The following PTPRD variants were observed in gnomAD, a reference collection of about 807,000 sequenced individuals.
The protein encoded by PTPRD is protein tyrosine phosphatase receptor type D, also known as receptor-type tyrosine-protein phosphatase delta.
Under a neutral mutation model 214.5 loss-of-function variants are expected in PTPRD, and 34 were observed. That is an observed-to-expected ratio of 0.16 (90% CI 0.12 to 0.21). The LOEUF is 0.21. PTPRD is among the 10% of genes least tolerant of loss of function. The probability of loss-of-function intolerance (pLI) is 1.00; values close to 1 mark genes in which losing one functional copy is unlikely to be tolerated. For synonymous variants in PTPRD, 1,128 were observed against 845.7 expected (o/e 1.33, Z -5.79); for missense variants, 2,545 against 2,398.7 (o/e 1.06, Z -1.27).
At chr9:9,822,692 C>A (rs1387135174) in intron 5 of PTPRD, among the ~76,000 whole-genome samples, 2 of 151,688 alleles carry the variant, frequency 1.3e-5, no homozygotes, top group Admixed American at 1.3e-4. Flanking sequence ...AAAATAATCA[C>A]AACCTACACG....
At chr9:8,383,726 C>A (rs2085957808) in intron 37 of PTPRD, among the ~76,000 whole-genome samples, 1 of 152,140 alleles carries the variant, frequency 6.6e-6, no homozygotes, top group Non-Finnish European at 1.5e-5. Flanking sequence ...AAATTTCACT[C>A]CCCATCTCCA....
chr9:9,773,179 G>T (rs2098767344), intron 5 of PTPRD, among the ~76,000 whole-genome samples: 1 of 152,048 alleles, frequency 6.6e-6, no homozygotes, highest in South Asian at 2.1e-4. Context: ...AGAAAATCAA[G>T]AATTCCCTTT....
At chr9:8,402,269 C>A (rs756531685) in intron 36 of PTPRD, among the ~76,000 whole-genome samples, 1 of 152,130 alleles carries the variant, frequency 6.6e-6, no homozygotes, top group East Asian at 1.9e-4. Context: ...GACAGGTTTT[C>A]GTGTGATTCA....
intron 5 of PTPRD, among the ~76,000 whole-genome samples, chr9:9,925,673 T>C (rs150178639): frequency 2.0e-5 from 3 of 152,266 alleles, no homozygotes; most frequent in Non-Finnish European, 4.4e-5. Context: ...TAAACTGAGA[T>C]TATTCCTTCT....
Position 9,615,471 on chromosome 9 carries a change from C to G in PTPRD, c.-286-40690G>C, listed in dbSNP as rs934067329. Among the ~76,000 whole-genome samples, 8 of 152,168 alleles carry G rather than the reference C, an allele frequency of 5.3e-5. No homozygotes were observed. In the South Asian group the frequency reaches 1.7e-3, roughly 32 times the overall value. Reference sequence around the variant, plus strand: ...ATGTCTTCTCCAAGGGAAGTCTTCCCTATTTGTCCTTCCTTGGATCAAGGG... The same window carrying G: ...ATGTCTTCTCCAAGGGAAGTCTTCCGTATTTGTCCTTCCTTGGATCAAGGG... On this transcript the variant is annotated intron_variant, in intron 7 of 45. Transcript: ENST00000381196.
At chr9:10,131,879 G>C (rs758960545) in intron 3 of PTPRD, among the ~76,000 whole-genome samples, 1 of 151,976 alleles carries the variant, frequency 6.6e-6, no homozygotes, top group East Asian at 1.9e-4. Context: ...ATCAAAATAC[G>C]TGTAATTACA....
At chr9:9,812,962 G>T (rs2047611933) in intron 5 of PTPRD, among the ~76,000 whole-genome samples, 1 of 152,034 alleles carries the variant, frequency 6.6e-6, no homozygotes, top group African/African-American at 2.4e-5. Context: ...GGTAAGATTG[G>T]TATCAATCCA....
At chr9:8,515,510 G>A (rs2097767584) in intron 21 of PTPRD, among the ~76,000 whole-genome samples, 2 of 152,064 alleles carry the variant, frequency 1.3e-5, no homozygotes, top group African/African-American at 4.8e-5. Context: ...TTCAATATAG[G>A]ATCTTTGCAA....
At position 9,777,325 on chromosome 9, in the gene PTPRD, G is replaced by GCACA. The variant is rs34617348; in HGVS notation, c.-367-10478_-367-10475dup. Among the ~76,000 whole-genome samples, 446 of 143,282 alleles carry GCACA rather than the reference G, an allele frequency of 3.1e-3. 3 individuals are homozygous for GCACA. The highest frequency in any genetic ancestry group is 0.01 in the African/African-American group (396 of 39,084). 94.0% of individuals were successfully genotyped at this position (143,282 alleles called of 152,430 possible). ...CACAAATAAAAATATGCACATACAT[G>GCACA]CACACACACACACACACACACACAC... On this transcript the variant is annotated intron_variant, in intron 5 of 45. Transcript: ENST00000381196.
chr9:9,247,727 C>T (rs1472751606), intron 9 of PTPRD, among the ~76,000 whole-genome samples: 3 of 152,150 alleles, frequency 2.0e-5, no homozygotes, highest in Non-Finnish European at 2.9e-5. Flanking sequence ...GAATCCCACA[C>T]AATAGTAGTT....
chr9:10,538,561 T>C (rs1158353171), intron 2 of PTPRD, among the ~76,000 whole-genome samples: 1 of 152,144 alleles, frequency 6.6e-6, no homozygotes, highest in Non-Finnish European at 1.5e-5. Context: ...CCAGTTTTCC[T>C]ACATGATTGG....
intron 10 of PTPRD, among the ~76,000 whole-genome samples, chr9:9,132,530 A>G (rs2099844382): frequency 6.6e-6 from 1 of 152,198 alleles, no homozygotes; most frequent in Non-Finnish European, 1.5e-5. Context: ...TAGACAATGG[A>G]GCTGGAAAAA....
chr9:10,162,662 T>C (rs1051024421), intron 3 of PTPRD, among the ~76,000 whole-genome samples: 3 of 147,554 alleles, frequency 2.0e-5, no homozygotes, highest in Admixed American at 6.9e-5. Context: ...CATATATACA[T>C]GTATATGTAT....
At chr9:9,719,545 C>A (rs757965713) in intron 7 of PTPRD, among the ~76,000 whole-genome samples, 7 of 112,722 alleles carry the variant, frequency 6.2e-5, no homozygotes, top group Non-Finnish European at 1.0e-4. Flanking sequence ...CAGGAAGCAG[C>A]AGCGAGGCAA....
intron 11 of PTPRD, among the ~76,000 whole-genome samples, chr9:8,928,320 G>A (rs978841696): frequency 2.0e-5 from 3 of 152,098 alleles, no homozygotes; most frequent in Non-Finnish European, 4.4e-5. Context: ...TTCTTCTAGG[G>A]TTTTTATGGT....
At position 8,629,400 on chromosome 9, in the gene PTPRD, C is replaced by T. The variant is rs573162485; in HGVS notation, c.352+3917G>A. 5.9e-5 allele frequency among the ~76,000 whole-genome samples: 9 copies of T among 151,960 alleles called. No individual in the cohort carries two copies. In the East Asian group the frequency reaches 1.8e-3, roughly 30 times the overall value. ...GTTATCACTGCATAAATTTGTATTA[C>T]ATGGTTTCCTGCTGATATCTTTAGT... On this transcript the variant is annotated intron_variant, in intron 14 of 45. Transcript: ENST00000381196.
chr9:10,188,773 G>C (rs1190995541), intron 3 of PTPRD, among the ~76,000 whole-genome samples: 1 of 152,008 alleles, frequency 6.6e-6, no homozygotes, highest in Non-Finnish European at 1.5e-5. Flanking sequence ...TGATTAATTT[G>C]TATACTACAA....
chr9:10,027,635 A>G (rs1334669655), intron 4 of PTPRD, among the ~76,000 whole-genome samples: 4 of 152,224 alleles, frequency 2.6e-5, no homozygotes, highest in African/African-American at 9.6e-5. Flanking sequence ...TCTCCTTTAT[A>G]CTGCCTATTG....
intron 11 of PTPRD, among the ~76,000 whole-genome samples, chr9:8,765,667 C>T (rs754767612): frequency 6.6e-5 from 10 of 152,176 alleles, no homozygotes; most frequent in Non-Finnish European, 1.2e-4. Flanking sequence ...CTCCCATATT[C>T]CTGACTCACA....
Sources: gnomAD v4.1 joint callset for allele counts (sites outside exome capture counted in the v4.1 genomes callset) on GRCh38, gnomAD v4.1.1 for gene constraint, MANE v1.5 for transcripts, NCBI Gene and HGNC (gene_info 2026-07-23, HGNC 2026-07-21) for gene names.